GRIK2: variants seen among roughly 807,000 people sequenced by gnomAD.
The protein encoded by GRIK2 is glutamate receptor ionotropic, kainate 2.
In GRIK2, 32 loss-of-function variants were observed where a neutral mutation model predicts 100.3. The observed-to-expected ratio is 0.32, with a 90% CI of 0.24 to 0.43. The LOEUF is 0.43. GRIK2 is among the 20% of genes least tolerant of loss of function. The probability of loss-of-function intolerance (pLI) is 1.00; values close to 1 mark genes in which losing one functional copy is unlikely to be tolerated. For missense variants in GRIK2, 843 were observed against 1,114.9 expected, an observed-to-expected ratio of 0.76 and a Z score of 3.47; for synonymous variants, 417 against 389.4, an observed-to-expected ratio of 1.07 and a Z score of -0.83.
chr6:101,871,551 C>A (rs979027574), intron 11 of GRIK2, among the ~76,000 whole-genome samples: 1 of 151,790 alleles, frequency 6.6e-6, no homozygotes, highest in Non-Finnish European at 1.5e-5. Flanking sequence ...TCTAGTAATC[C>A]CCAGTGTCTA....
intron 10 of GRIK2, among the ~76,000 whole-genome samples, chr6:101,836,535 T>A (rs1044352648): frequency 6.6e-6 from 1 of 150,692 alleles, no homozygotes; most frequent in East Asian, 1.9e-4. Flanking sequence ...ATTGAATTCA[T>A]CTTTAACTTT....
In GRIK2 at chr6:102,023,637, G is replaced by A. The variant is rs545986085; in HGVS notation, c.2086-11704G>A. Among the ~76,000 whole-genome samples the A allele has an allele frequency of 5.5e-4, 84 of 151,572 alleles. No homozygotes were observed. In the South Asian group the frequency reaches 8.7e-3, roughly 16 times the overall value. On this transcript the variant is annotated intron_variant, in intron 14 of 16. Coordinates refer to ENST00000369134, the MANE Select transcript of GRIK2 (RefSeq NM_021956.5). ...AGGAAAGGAGCAATTTGAAATTGACGTTGTAGAGAATAAGTTGAAAGAGAT... is the reference window on the plus strand; with the variant it reads ...AGGAAAGGAGCAATTTGAAATTGACATTGTAGAGAATAAGTTGAAAGAGAT...
At chr6:101,934,561 C>T (rs1354335618) in intron 14 of GRIK2, among the ~76,000 whole-genome samples, 1 of 151,758 alleles carries the variant, frequency 6.6e-6, no homozygotes, top group Non-Finnish European at 1.5e-5. Flanking sequence ...CAGTATACTA[C>T]AAGAATGTAA....
chr6:101,516,288 T>C (rs1411195574), intron 2 of GRIK2, among the ~76,000 whole-genome samples: 2 of 152,092 alleles, frequency 1.3e-5, no homozygotes, highest in East Asian at 3.8e-4. Context: ...AAAGCAAGAC[T>C]AAGCAAAAAG....
intron 7 of GRIK2, among the ~76,000 whole-genome samples, chr6:101,790,280 G>A (rs934897699): frequency 1.3e-5 from 2 of 151,810 alleles, no homozygotes; most frequent in Non-Finnish European, 2.9e-5. Flanking sequence ...TCCCTGTCTT[G>A]TGCCAGTTTT....
chr6:101,631,862 A>T (rs1582860808), intron 4 of GRIK2, among the ~76,000 whole-genome samples: 1 of 151,956 alleles, frequency 6.6e-6, no homozygotes, highest in Non-Finnish European at 1.5e-5. Context: ...TAAAAATGCA[A>T]TTCTGATCTG....
chr6:101,913,416 T>G (rs746932063), intron 12 of GRIK2, among the ~76,000 whole-genome samples: 3 of 151,156 alleles, frequency 2.0e-5, no homozygotes, highest in Non-Finnish European at 4.4e-5. Flanking sequence ...TTCATTTTTC[T>G]GTGTATATGG....
chr6:101,676,951 T>G (rs189337291), intron 5 of GRIK2, 147 bp downstream of exon 5: 1 of 550,596 alleles, frequency 1.8e-6, no homozygotes, highest in African/African-American at 2.0e-5. Context: ...CAATTGCTTT[T>G]AATTAATTGT....
At chr6:101,766,421 TTAAAG>T (rs1236375850) in intron 7 of GRIK2, among the ~76,000 whole-genome samples, 2 of 152,184 alleles carry the variant, frequency 1.3e-5, no homozygotes, top group Non-Finnish European at 2.9e-5. Flanking sequence ...ATTTGAAGCA[TTAAAG>T]TAATGTTTGA....
chr6:101,615,221 C>A (rs1342151563), intron 2 of GRIK2, among the ~76,000 whole-genome samples: 3 of 151,584 alleles, frequency 2.0e-5, no homozygotes, highest in African/African-American at 7.3e-5. Context: ...AAAAGAATTG[C>A]GGGCATTTTA....
chr6:101,770,410 C>T (rs75131812), intron 7 of GRIK2, among the ~76,000 whole-genome samples: 2,172 of 152,256 alleles, frequency 0.014, 25 homozygotes, highest in Non-Finnish European at 0.022. Flanking sequence ...AGTGTCATCA[C>T]CTCACCTACT....
intron 7 of GRIK2, among the ~76,000 whole-genome samples, chr6:101,731,621 T>C (rs1039881056): frequency 3.9e-5 from 6 of 151,900 alleles, no homozygotes; most frequent in African/African-American, 1.5e-4. Flanking sequence ...TATACAGATA[T>C]AAAAATGAAC....
At chr6:101,614,106 T>C (rs189903139) in intron 2 of GRIK2, among the ~76,000 whole-genome samples, 1 of 151,764 alleles carries the variant, frequency 6.6e-6, no homozygotes, top group African/African-American at 2.4e-5. Flanking sequence ...GTAGACCAGA[T>C]GATTTACAGA....
At chr6:101,810,878 G>C (rs1166242992) in intron 9 of GRIK2, among the ~76,000 whole-genome samples, 1 of 151,954 alleles carries the variant, frequency 6.6e-6, no homozygotes. Context: ...TTCATGCATT[G>C]TATTGGCTTG....
chr6:101,978,360 T>TGG (rs1793524176), intron 14 of GRIK2, among the ~76,000 whole-genome samples: 1 of 152,032 alleles, frequency 6.6e-6, no homozygotes, highest in South Asian at 2.1e-4. Context: ...ATGGATGATC[T>TGG]GGAACTTTAA....
At chr6:101,446,716 A>T (rs1372422554) in intron 2 of GRIK2, among the ~76,000 whole-genome samples, 1 of 151,694 alleles carries the variant, frequency 6.6e-6, no homozygotes, top group Non-Finnish European at 1.5e-5. Flanking sequence ...TATATTTTCA[A>T]TATTGCCTTT....
intron 11 of GRIK2, among the ~76,000 whole-genome samples, chr6:101,871,013 T>G (rs565875941): frequency 2.0e-5 from 3 of 151,962 alleles, no homozygotes; most frequent in African/African-American, 7.2e-5. Flanking sequence ...ACCAATTATA[T>G]TGGCGTACTT....
intron 2 of GRIK2, among the ~76,000 whole-genome samples, chr6:101,413,626 A>T (rs535941694): frequency 1.3e-5 from 2 of 152,254 alleles, no homozygotes; most frequent in South Asian, 4.1e-4. Flanking sequence ...TTTGTTCTGA[A>T]TGGCATCAAG....
chr6:101,997,146 ATAAT>A (rs1174381556), intron 14 of GRIK2, among the ~76,000 whole-genome samples: 1 of 152,162 alleles, frequency 6.6e-6, no homozygotes, highest in Non-Finnish European at 1.5e-5. Flanking sequence ...AAGGTAAAGA[ATAAT>A]TAAGTTTGCT....
Sources: allele counts gnomAD v4.1 joint callset (sites outside exome capture counted in the v4.1 genomes callset), GRCh38; gene constraint gnomAD v4.1.1; transcripts MANE v1.5; gene names NCBI Gene and HGNC (gene_info 2026-07-23, HGNC 2026-07-21).